AFF2: variants seen among roughly 807,000 people sequenced by gnomAD.
AFF2 encodes the protein AF4/FMR2 family member 2.
Under a neutral mutation model 76.9 loss-of-function variants are expected in AFF2, and 14 were observed. That is an observed-to-expected ratio of 0.18 (90% CI 0.12 to 0.28). The LOEUF (loss-of-function observed/expected upper bound fraction) is 0.28, where lower values mean the gene tolerates loss of function less well. AFF2 is among the 10% of genes least tolerant of loss of function. AFF2 has a pLI of 1.00. For missense variants in AFF2, 868 were observed against 1,001.1 expected (o/e 0.87, Z 1.79); for synonymous variants, 398 against 366.7 (o/e 1.09, Z -0.98).
intron 3 of AFF2, among the ~76,000 whole-genome samples, chrX:148,726,293 T>C (rs2055153910): frequency 9.0e-6 from 1 of 111,251 alleles, no homozygotes; most frequent in South Asian, 3.8e-4. Flanking sequence ...TTTACTGGGG[T>C]CTGGTCACAC....
chrX:148,518,882 C>G lies in AFF2; in HGVS notation c.47+17738C>G, dbSNP rs782059220. On this transcript the variant is annotated intron_variant, in intron 1 of 20. Transcript: ENST00000370460. ...AATATATGACTTAACAATATTTTGT[C>G]TGTTGTTGGTTGGGGTAAAGGGGAG... Among the ~76,000 whole-genome samples, 3 of 111,697 alleles carry G rather than the reference C, an allele frequency of 2.7e-5. No homozygotes were observed. In the East Asian group the frequency reaches 8.4e-4, roughly 31 times the overall value.
At chrX:148,648,423 G>A (rs1256630981) in intron 1 of AFF2, among the ~76,000 whole-genome samples, 3 of 108,609 alleles carry the variant, frequency 2.8e-5, no homozygotes, top group Non-Finnish European at 5.7e-5. Flanking sequence ...TTAGCCAGGC[G>A]TGGTGGCTGG....
At chrX:148,572,542 G>A (rs782744943) in intron 1 of AFF2, among the ~76,000 whole-genome samples, 65 of 111,749 alleles carry the variant, frequency 5.8e-4, no homozygotes, top group African/African-American at 2.0e-3. Context: ...CAAACTAAAT[G>A]TGGTCTATCT....
chrX:148,971,773 G>GTT (rs1198615424), intron 15 of AFF2, among the ~76,000 whole-genome samples: 1 of 25,798 alleles, frequency 3.9e-5, no homozygotes, highest in Admixed American at 4.6e-4. Flanking sequence ...TTTTTTTAAT[G>GTT]TTTTTTTTTT....
intron 3 of AFF2, among the ~76,000 whole-genome samples, chrX:148,709,286 C>T (rs1273625093): frequency 1.8e-5 from 2 of 111,501 alleles, no homozygotes; most frequent in African/African-American, 6.5e-5. Flanking sequence ...AATTAAATGC[C>T]TCCCTGACCA....
At chrX:148,750,425 G>T (rs113764981) in intron 3 of AFF2, among the ~76,000 whole-genome samples, 1 of 111,419 alleles carries the variant, frequency 9.0e-6, no homozygotes, top group Non-Finnish European at 1.9e-5. Flanking sequence ...CTCTCATCCC[G>T]CCTGTCTGTC....
chrX:148,956,703 A>G, intron 11 of AFF2, 90 bp downstream of exon 11: 2 of 907,337 alleles, frequency 2.2e-6, no homozygotes, highest in Non-Finnish European at 3.0e-6. Flanking sequence ...CAAGGAAGCC[A>G]ATGGCAGTGC....
intron 3 of AFF2, among the ~76,000 whole-genome samples, chrX:148,789,223 A>G (rs944898883): frequency 8.9e-6 from 1 of 112,214 alleles, no homozygotes; most frequent in Non-Finnish European, 1.9e-5. Flanking sequence ...CAGCTAATTA[A>G]GCATCTAGTC....
rs1027611890 is a variant in AFF2, at chrX:148,592,766, G to C, written c.48-59233G>C. Among the ~76,000 whole-genome samples, 5 of 111,749 alleles carry C rather than the reference G, an allele frequency of 4.5e-5. No homozygotes were observed. The South Asian group carries it at 1.8e-3, about 41-fold the overall frequency. ...TAGCTTGATGGGGTTAGGCCCTGAG[G>C]CACGTGGCCTTTGGATGGAGCTCAG... On this transcript the variant is annotated intron_variant, in intron 1 of 20. Coordinates refer to ENST00000370460, the MANE Select transcript of AFF2 (RefSeq NM_002025.4).
At chrX:148,944,555 ATT>A (rs11462442) in intron 9 of AFF2, among the ~76,000 whole-genome samples, 3 of 109,491 alleles carry the variant, frequency 2.7e-5, no homozygotes, top group African/African-American at 1.0e-4. Flanking sequence ...GCTTTATATG[ATT>A]TTTTTTCCCA....
At chrX:148,702,653 C>T (rs981218392) in intron 3 of AFF2, among the ~76,000 whole-genome samples, 11 of 111,613 alleles carry the variant, frequency 9.9e-5, no homozygotes, top group Admixed American at 3.8e-4. Flanking sequence ...CAGGGGATTC[C>T]TGTGAGTCAC....
chrX:148,751,421 G>A (rs1233364288), intron 3 of AFF2, among the ~76,000 whole-genome samples: 1 of 112,340 alleles, frequency 8.9e-6, no homozygotes, highest in Non-Finnish European at 1.9e-5. Flanking sequence ...CTTTGGGAAT[G>A]AGGGGCCTGT....
intron 7 of AFF2, among the ~76,000 whole-genome samples, chrX:148,860,347 A>G (rs188387779): frequency 1.8e-5 from 2 of 112,270 alleles, no homozygotes; most frequent in East Asian, 2.8e-4. Flanking sequence ...ATCAGTTTGC[A>G]TAACATTTGA....
intron 4 of AFF2, among the ~76,000 whole-genome samples, chrX:148,813,091 G>A (rs902230820): frequency 3.6e-5 from 4 of 112,523 alleles, no homozygotes; most frequent in African/African-American, 1.3e-4. Flanking sequence ...CAAAGCACTT[G>A]AACCTCGTTG....
intron 1 of AFF2, among the ~76,000 whole-genome samples, chrX:148,612,418 T>C (rs1415149406): frequency 1.8e-5 from 2 of 112,460 alleles, no homozygotes; most frequent in Non-Finnish European, 3.8e-5. Context: ...CCAAAGCTAT[T>C]GAATATACAT....
intron 4 of AFF2, among the ~76,000 whole-genome samples, chrX:148,836,431 C>T (rs2070526611): frequency 9.0e-6 from 1 of 111,279 alleles, no homozygotes; most frequent in Admixed American, 9.6e-5. Flanking sequence ...TTAGTGCTAC[C>T]TGAGAGTTCT....
intron 1 of AFF2, among the ~76,000 whole-genome samples, chrX:148,578,896 C>G (rs781888340): frequency 9.0e-6 from 1 of 111,567 alleles, no homozygotes; most frequent in African/African-American, 3.3e-5. Flanking sequence ...GGCACCCCTC[C>G]CCAGTGAAAA....
intron 3 of AFF2, among the ~76,000 whole-genome samples, chrX:148,732,611 G>GAA (rs568315858): frequency 4.3e-4 from 37 of 85,718 alleles, no homozygotes; most frequent in Admixed American, 1.0e-3. Context: ...ACAAGCAGAT[G>GAA]AAAAAAAAAA....
At chrX:148,648,100 T>C (rs782092523) in intron 1 of AFF2, among the ~76,000 whole-genome samples, 2 of 112,364 alleles carry the variant, frequency 1.8e-5, no homozygotes, top group East Asian at 5.6e-4. Context: ...TACTTGAAGA[T>C]GGAAGAAACA....
Sources: allele counts gnomAD v4.1 joint callset (sites outside exome capture counted in the v4.1 genomes callset), GRCh38; gene constraint gnomAD v4.1.1; transcripts MANE v1.5; gene names NCBI Gene and HGNC (gene_info 2026-07-23, HGNC 2026-07-21).